Variants in SPAG16 observed in about 807,000 individuals in gnomAD.
SPAG16 encodes sperm associated antigen 16.
SPAG16 carries 86 observed loss-of-function variants against 80.4 expected under a neutral mutation model. That is an observed-to-expected ratio of 1.07 (90% CI 0.90 to 1.28). The LOEUF is 1.28. Among genes scored for constraint, SPAG16 ranks in the 50% most tolerant of loss-of-function variants. SPAG16 has a pLI of 0.00. For synonymous variants in SPAG16, 294 were observed against 265.9 expected (o/e 1.11, Z -1.03); for missense variants, 870 against 765.3 (o/e 1.14, Z -1.61).
intron 2 of SPAG16, 51 bp downstream of exon 2, chr2:213,296,161 T>G (rs1337320708): frequency 3.1e-6 from 4 of 1,270,432 alleles, no homozygotes; most frequent in Non-Finnish European, 4.6e-6. Flanking sequence ...GCAGTCATTC[T>G]CATGAAATGC....
intron 12 of SPAG16, among the ~76,000 whole-genome samples, chr2:213,994,618 C>G (rs1559670879): frequency 6.9e-6 from 1 of 144,154 alleles, no homozygotes; most frequent in East Asian, 2.1e-4. Context: ...AAAATAATTA[C>G]TATTAAACCT....
chr2:213,780,524 A>G (rs560457124), intron 10 of SPAG16, among the ~76,000 whole-genome samples: 4 of 142,090 alleles, frequency 2.8e-5, no homozygotes, highest in African/African-American at 1.0e-4. Flanking sequence ...GAACCTTCCT[A>G]TGTATGCTAG....
rs1240009139 is a variant in SPAG16, at chr2:213,629,019, A to G, written c.1070+138929A>G. Among the ~76,000 whole-genome samples the G allele has an allele frequency of 3.3e-5, 5 of 152,326 alleles. 1 individual carries two copies. Among genetic ancestry groups the G allele is most frequent in the African/African-American group, 9.6e-5 (4 of 41,586 alleles). On this transcript the variant is annotated intron_variant, in intron 10 of 15. Transcript: ENST00000331683. The stretch of plus-strand genomic sequence containing the variant: ...AAAATCAAGGTGAATGGCCTATTAC[A>G]ATACAGTGTTTTAAGAGCTCTGACA...
chr2:213,855,064 G>A (rs10164726), intron 10 of SPAG16, among the ~76,000 whole-genome samples: 52,357 of 152,116 alleles, frequency 0.34, 9,467 homozygotes, highest in South Asian at 0.47. Flanking sequence ...TTTAGACCAT[G>A]AGTGTTTCTT....
chr2:213,374,481 C>G (rs1412443775), intron 8 of SPAG16, among the ~76,000 whole-genome samples: 1 of 152,052 alleles, frequency 6.6e-6, no homozygotes, highest in Non-Finnish European at 1.5e-5. Flanking sequence ...CAATTCCCCA[C>G]TCTCAAATGA....
At chr2:213,824,146 C>G (rs187984583) in intron 10 of SPAG16, among the ~76,000 whole-genome samples, 5 of 152,274 alleles carry the variant, frequency 3.3e-5, no homozygotes, top group Admixed American at 1.3e-4. Context: ...GCCAGTTTTC[C>G]CAGCACCATT....
intron 10 of SPAG16, among the ~76,000 whole-genome samples, chr2:213,587,051 C>T: frequency 6.6e-6 from 1 of 152,132 alleles, no homozygotes; most frequent in East Asian, 1.9e-4. Flanking sequence ...TGGGTCTTAG[C>T]GCTCATGGCT....
intron 10 of SPAG16, among the ~76,000 whole-genome samples, chr2:213,652,972 T>C (rs1205934798): frequency 6.6e-6 from 1 of 152,208 alleles, no homozygotes; most frequent in Non-Finnish European, 1.5e-5. Flanking sequence ...TTTTATTGTG[T>C]TGCATTTTAC....
At chr2:214,339,328 C>G (rs2126027165) in intron 15 of SPAG16, among the ~76,000 whole-genome samples, 1 of 152,026 alleles carries the variant, frequency 6.6e-6, no homozygotes, top group Admixed American at 6.5e-5. Flanking sequence ...CTATAATCAA[C>G]CAGGCACTAG....
At chr2:213,342,648 T>C (rs2064759486) in intron 6 of SPAG16, among the ~76,000 whole-genome samples, 1 of 152,034 alleles carries the variant, frequency 6.6e-6, no homozygotes. Context: ...TAAAATATTA[T>C]TCTTTTGGAG....
At chr2:214,216,742 C>CT (rs1416286550) in intron 15 of SPAG16, among the ~76,000 whole-genome samples, 1 of 152,160 alleles carries the variant, frequency 6.6e-6, no homozygotes, top group Non-Finnish European at 1.5e-5. Context: ...TAATTGAATT[C>CT]TCTGTTGATT....
At chr2:213,853,645 G>T (rs2075018269) in intron 10 of SPAG16, among the ~76,000 whole-genome samples, 1 of 152,108 alleles carries the variant, frequency 6.6e-6, no homozygotes, top group South Asian at 2.1e-4. Context: ...TATTAACTTA[G>T]GAATGTTGTG....
chr2:213,665,980 AC>A (rs2063586066), intron 10 of SPAG16, among the ~76,000 whole-genome samples: 1 of 152,168 alleles, frequency 6.6e-6, no homozygotes, highest in Non-Finnish European at 1.5e-5. Context: ...TGAGAGTTGA[AC>A]CATGAAGGCA....
intron 15 of SPAG16, among the ~76,000 whole-genome samples, chr2:214,197,501 G>A (rs1163085772): frequency 6.6e-6 from 1 of 151,902 alleles, no homozygotes; most frequent in East Asian, 1.9e-4. Context: ...CATACATACT[G>A]TATGGACTAC....
At chr2:213,956,255 C>T (rs2044129532) in intron 12 of SPAG16, among the ~76,000 whole-genome samples, 1 of 151,934 alleles carries the variant, frequency 6.6e-6, no homozygotes, top group African/African-American at 2.4e-5. Flanking sequence ...CATGCCAGGC[C>T]TTTATTGATT....
At chr2:214,098,251 A>G (rs1384782617) in intron 13 of SPAG16, among the ~76,000 whole-genome samples, 1 of 152,074 alleles carries the variant, frequency 6.6e-6, no homozygotes, top group Non-Finnish European at 1.5e-5. Context: ...TTGTATTCCT[A>G]AGACATTTTA....
intron 11 of SPAG16, among the ~76,000 whole-genome samples, chr2:213,927,195 C>T (rs2078519128): frequency 6.6e-6 from 1 of 152,168 alleles, no homozygotes; most frequent in Non-Finnish European, 1.5e-5. Flanking sequence ...CTTGTCTAAA[C>T]CTAGTTATTT....
intron 15 of SPAG16, among the ~76,000 whole-genome samples, chr2:214,322,301 T>G (rs969736469): frequency 2.0e-5 from 3 of 152,218 alleles, no homozygotes; most frequent in African/African-American, 4.8e-5. Flanking sequence ...AGGTGTTACA[T>G]TTTTAAAACC....
chr2:213,815,893 T>C (rs2072502559), intron 10 of SPAG16, among the ~76,000 whole-genome samples: 1 of 152,178 alleles, frequency 6.6e-6, no homozygotes, highest in African/African-American at 2.4e-5. Context: ...TTGAGGGCTA[T>C]ACCTTATTTT....
Sources: gnomAD v4.1 joint callset for allele counts (sites outside exome capture counted in the v4.1 genomes callset) on GRCh38, gnomAD v4.1.1 for gene constraint, MANE v1.5 for transcripts, NCBI Gene and HGNC (gene_info 2026-07-23, HGNC 2026-07-21) for gene names.